Variants in CDH18 observed in about 807,000 individuals in gnomAD.
CDH18 encodes the protein cadherin-18.
CDH18 carries 31 observed loss-of-function variants against 67.9 expected under a neutral mutation model. That is an observed-to-expected ratio of 0.46 (90% CI 0.34 to 0.62). The LOEUF (loss-of-function observed/expected upper bound fraction) is 0.62, where lower values mean the gene tolerates loss of function less well. Ranked by LOEUF, CDH18 falls within the 20% of genes least tolerant of loss-of-function variation. The probability of loss-of-function intolerance (pLI) is 0.01; values close to 1 mark genes in which losing one functional copy is unlikely to be tolerated. For missense variants in CDH18, 890 were observed against 975.5 expected (o/e 0.91, Z 1.17); for synonymous variants, 362 against 347.2 (o/e 1.04, Z -0.48).
intron 4 of CDH18, 95 bp from the exon 5 acceptor site, chr5:19,721,561 G>A (rs1481283647): frequency 1.5e-5 from 16 of 1,079,292 alleles, no homozygotes; most frequent in Non-Finnish European, 2.0e-5. Context: ...TAGCTATGGA[G>A]ATCAGTACTG....
intron 1 of CDH18, among the ~76,000 whole-genome samples, chr5:20,415,967 G>T (rs1475083062): frequency 6.6e-6 from 1 of 152,004 alleles, no homozygotes; most frequent in South Asian, 2.1e-4. Context: ...ACAGAATGGT[G>T]GTTGCCAGAA....
chr5:20,541,318 A>G (rs1373344126), intron 1 of CDH18, among the ~76,000 whole-genome samples: 1 of 152,180 alleles, frequency 6.6e-6, no homozygotes, highest in Non-Finnish European at 1.5e-5. Context: ...TTTTACACTA[A>G]ATGCCTTAGA....
At chr5:19,557,669 G>T (rs1483610642) in intron 8 of CDH18, among the ~76,000 whole-genome samples, 10 of 151,906 alleles carry the variant, frequency 6.6e-5, no homozygotes, top group Admixed American at 6.6e-4. Flanking sequence ...CCAAAGAAAT[G>T]AGATAGACAG....
At chr5:19,553,307 A>G (rs1737789690) in intron 8 of CDH18, among the ~76,000 whole-genome samples, 1 of 152,142 alleles carries the variant, frequency 6.6e-6, no homozygotes. Flanking sequence ...AATTAATTTA[A>G]AACTTATGTA....
At chr5:20,516,431 A>G (rs989023384) in intron 1 of CDH18, among the ~76,000 whole-genome samples, 1 of 152,030 alleles carries the variant, frequency 6.6e-6, no homozygotes, top group Non-Finnish European at 1.5e-5. Flanking sequence ...CAAACAAAAC[A>G]ATGCAGTACA....
At position 19,747,842 on chromosome 5, in the gene CDH18, T is replaced by C. The variant is rs370662892; in HGVS notation, c.229-606A>G. On this transcript the variant is annotated intron_variant, in intron 3 of 12. Coordinates refer to ENST00000382275, the MANE Select transcript of CDH18 (RefSeq NM_004934.5). ...GAGTATTTTTGGCCAGGCACGGTGG[T>C]TCACGCCTGTAATCCCAGCACTTTG... is the stretch of plus-strand genomic sequence containing the variant. Among the ~76,000 whole-genome samples the C allele has an allele frequency of 1.3e-4, 19 of 150,722 alleles. No individual in the cohort carries two copies. In the East Asian group the frequency reaches 2.4e-3, roughly 19 times the overall value.
At chr5:20,122,810 G>GTA (rs138170795) in intron 2 of CDH18, among the ~76,000 whole-genome samples, 2,055 of 142,352 alleles carry the variant, frequency 0.014, 31 homozygotes, top group African/African-American at 0.041. Flanking sequence ...TGAATACAAA[G>GTA]TATATATATA....
At chr5:20,485,122 A>G (rs1470771887) in intron 1 of CDH18, among the ~76,000 whole-genome samples, 1 of 152,154 alleles carries the variant, frequency 6.6e-6, no homozygotes, top group Non-Finnish European at 1.5e-5. Context: ...GAAGAAAACT[A>G]GTGCTTTCAC....
In CDH18 at chr5:19,527,898, T is replaced by C. The variant is rs1021802585; in HGVS notation, c.1391-7120A>G. Among the ~76,000 whole-genome samples, 20 of 151,868 alleles carry C rather than the reference T, an allele frequency of 1.3e-4. 1 individual carries two copies. Among genetic ancestry groups the C allele is most frequent in the Admixed American group, 1.2e-3 (18 of 15,262 alleles). ...CTCCAATAATTCCTTATATATATCA[T>C]TAATATTATTACCTGAGAGTAACAG... On this transcript the variant is annotated intron_variant, in intron 9 of 12. Transcript: ENST00000382275.
At chr5:20,254,056 T>C (rs192492358) in intron 2 of CDH18, among the ~76,000 whole-genome samples, 294 of 152,248 alleles carry the variant, frequency 1.9e-3, no homozygotes, top group African/African-American at 6.5e-3. Flanking sequence ...GTAGTAGACA[T>C]TTCACCAAAA....
At chr5:19,480,351 TTTTATTTA>T (rs70950071) in intron 12 of CDH18, among the ~76,000 whole-genome samples, 2,711 of 145,442 alleles carry the variant, frequency 0.019, 74 homozygotes, top group African/African-American at 0.06. Context: ...ATAAAGTTTA[TTTTATTTA>T]TTTATTTATT....
At chr5:19,555,144 G>T (rs1262127991) in intron 8 of CDH18, among the ~76,000 whole-genome samples, 1 of 152,146 alleles carries the variant, frequency 6.6e-6, no homozygotes, top group African/African-American at 2.4e-5. Flanking sequence ...AGGGAAAATG[G>T]CGGAGAGGAG....
intron 1 of CDH18, among the ~76,000 whole-genome samples, chr5:20,269,586 G>T (rs1745287417): frequency 6.6e-6 from 1 of 152,052 alleles, no homozygotes; most frequent in Non-Finnish European, 1.5e-5. Flanking sequence ...GGATGCAGCT[G>T]GAGGCCATTA....
intron 2 of CDH18, among the ~76,000 whole-genome samples, chr5:19,873,296 T>C (rs1451035256): frequency 2.6e-5 from 4 of 151,798 alleles, no homozygotes; most frequent in African/African-American, 9.7e-5. Context: ...ATCTCATATC[T>C]CATTGAAAGT....
chr5:19,691,063 AG>A (rs1423955845), intron 5 of CDH18, among the ~76,000 whole-genome samples: 7 of 151,946 alleles, frequency 4.6e-5, no homozygotes, highest in African/African-American at 1.7e-4. Context: ...TGCATTAGAA[AG>A]ACAATATATC....
intron 2 of CDH18, among the ~76,000 whole-genome samples, chr5:20,172,246 A>G (rs28495949): frequency 2.2e-5 from 3 of 135,866 alleles, no homozygotes; most frequent in African/African-American, 5.5e-5. Flanking sequence ...ATATGTATAT[A>G]TATATATATA....
chr5:19,992,754 G>GA (rs11484023), upstream of CDH18, among the ~76,000 whole-genome samples: 34,962 of 148,872 alleles, frequency 0.23, 6,657 homozygotes, highest in African/African-American at 0.52. Context: ...ACTGGAAATA[G>GA]AAAAAAAAAA....
At chr5:19,488,959 C>T (rs956240616) in intron 11 of CDH18, among the ~76,000 whole-genome samples, 1 of 151,992 alleles carries the variant, frequency 6.6e-6, no homozygotes, top group Non-Finnish European at 1.5e-5. Context: ...TGTCTTTCTG[C>T]CAAACTACAA....
intron 2 of CDH18, among the ~76,000 whole-genome samples, chr5:19,969,285 G>A (rs1437836127): frequency 7.1e-6 from 1 of 140,790 alleles, no homozygotes; most frequent in African/African-American, 3.1e-5. Context: ...AGTCAGTGTG[G>A]CGATTCCTCA....
Sources: allele counts gnomAD v4.1 joint callset (sites outside exome capture counted in the v4.1 genomes callset), GRCh38; gene constraint gnomAD v4.1.1; transcripts MANE v1.5; gene names NCBI Gene and HGNC (gene_info 2026-07-23, HGNC 2026-07-21).